Variants in KALRN observed in about 807,000 individuals in gnomAD.
The protein encoded by KALRN is kalirin.
KALRN carries 70 observed loss-of-function variants against 353.7 expected under a neutral mutation model. The ratio of observed to expected loss-of-function variants is 0.20; its 90% CI spans 0.16 to 0.24. KALRN has a LOEUF of 0.24. Among genes scored for constraint, KALRN ranks in the 10% least tolerant of loss-of-function variants. KALRN has a pLI of 1.00. For missense variants in KALRN, 2,791 were observed against 3,756.7 expected, an observed-to-expected ratio of 0.74 and a Z score of 6.72; for synonymous variants, 1,391 against 1,434.8, an observed-to-expected ratio of 0.97 and a Z score of 0.69.
chr3:124,218,139 G>C (rs935286244), intron 1 of KALRN, among the ~76,000 whole-genome samples: 2 of 152,138 alleles, frequency 1.3e-5, no homozygotes, highest in African/African-American at 4.8e-5. Context: ...TGGTTGAGGG[G>C]AGAAGCATCC....
intron 1 of KALRN, among the ~76,000 whole-genome samples, chr3:124,154,296 A>G (rs1217642880): frequency 3.3e-5 from 5 of 152,184 alleles, no homozygotes; most frequent in African/African-American, 1.2e-4. Flanking sequence ...AAGGGTATTC[A>G]ATTACAAAAA....
chr3:124,117,612 G>A (rs2063572938), intron 1 of KALRN, among the ~76,000 whole-genome samples: 1 of 152,094 alleles, frequency 6.6e-6, no homozygotes, highest in Non-Finnish European at 1.5e-5. Context: ...AGAAGTAGAG[G>A]AACATTAAGG....
chr3:124,439,167 C>CT, intron 18 of KALRN, 130 bp downstream of exon 18: 5 of 776,838 alleles, frequency 6.4e-6, no homozygotes, highest in Non-Finnish European at 2.0e-6. Context: ...TTCTCTTTCT[C>CT]CTCCTCCTCC....
intron 1 of KALRN, among the ~76,000 whole-genome samples, chr3:124,051,757 GA>G (rs1349577503): frequency 6.6e-6 from 1 of 152,188 alleles, no homozygotes; most frequent in African/African-American, 2.4e-5. Context: ...GTGAAACTGG[GA>G]ACTCTGTCCC....
chr3:124,679,506 A>G lies in KALRN; in HGVS notation c.7366A>G (p.Thr2456Ala), dbSNP rs577419294. Residue 2456 changes from threonine to alanine, a missense_variant, in exon 51 of 60, where the codon ACT becomes GCT. This residue lies in a region of KALRN where 1,065 missense variants were observed against 1,156.4 expected (regional missense o/e 0.92). Coordinates refer to ENST00000682506, the MANE Select transcript of KALRN (RefSeq NM_001388419.1). ...ESECDDLDPN[T>A]SMEILNPNFI... ...AGAGTGTGATGATCTTGACCCTAATACTAGCATGGAGGTAGAAGCAGCTAT... is the reference window on the plus strand; with the variant it reads ...AGAGTGTGATGATCTTGACCCTAATGCTAGCATGGAGGTAGAAGCAGCTAT... The G allele has an allele frequency of 1.5e-5, 24 of 1,613,692 alleles. No individual in the cohort carries two copies. Among genetic ancestry groups the G allele is most frequent in the African/African-American group, 1.5e-4 (11 of 75,028 alleles).
chr3:124,097,230 G>A (rs1258806085), intron 1 of KALRN, among the ~76,000 whole-genome samples: 1 of 152,260 alleles, frequency 6.6e-6, no homozygotes, highest in East Asian at 1.9e-4. Context: ...AAAGTGGCAT[G>A]TTAGGCTGAG....
intron 10 of KALRN, among the ~76,000 whole-genome samples, chr3:124,362,274 AG>A (rs1159852183): frequency 6.6e-6 from 1 of 152,232 alleles, no homozygotes; most frequent in Admixed American, 6.5e-5. Context: ...GAGCAACTGG[AG>A]GCATTTTCAT....
chr3:124,611,099 A>C (rs1189187938), intron 34 of KALRN, among the ~76,000 whole-genome samples: 1 of 152,166 alleles, frequency 6.6e-6, no homozygotes, highest in Non-Finnish European at 1.5e-5. Context: ...AGGGAATCAG[A>C]GTGGCAGCAT....
intron 1 of KALRN, among the ~76,000 whole-genome samples, chr3:124,189,460 C>G (rs2074631674): frequency 6.6e-6 from 1 of 152,146 alleles, no homozygotes; most frequent in Admixed American, 6.6e-5. Flanking sequence ...CTCTCTCTGA[C>G]CATCAATTCT....
chr3:124,082,613 C>T (rs926719788), intron 1 of KALRN, among the ~76,000 whole-genome samples: 6 of 152,184 alleles, frequency 3.9e-5, no homozygotes, highest in African/African-American at 1.2e-4. Flanking sequence ...TTACTCTGGG[C>T]ACTATGTTAG....
chr3:124,670,590 G>A (rs1373139919), intron 47 of KALRN, among the ~76,000 whole-genome samples: 1 of 152,198 alleles, frequency 6.6e-6, no homozygotes, highest in African/African-American at 2.4e-5. Flanking sequence ...GTTGAGTCCT[G>A]TTGAGGTATG....
chr3:124,104,595 A>G (rs1387040969), intron 1 of KALRN, among the ~76,000 whole-genome samples: 1 of 152,218 alleles, frequency 6.6e-6, no homozygotes, highest in African/African-American at 2.4e-5. Flanking sequence ...AAATGGTTCC[A>G]GAGTTGTAGC....
chr3:124,716,287 G>A (rs1380804210), intron 58 of KALRN, among the ~76,000 whole-genome samples: 1 of 152,210 alleles, frequency 6.6e-6, no homozygotes, highest in Non-Finnish European at 1.5e-5. Flanking sequence ...GTTTTGGGAG[G>A]CCCAGGCGGG....
intron 33 of KALRN, chr3:124,518,274 G>C (rs562566853): frequency 4.8e-6 from 4 of 826,156 alleles, no homozygotes; most frequent in South Asian, 4.2e-5. Flanking sequence ...ACTCTGCACT[G>C]GGTTACTAGA....
intron 7 of KALRN, among the ~76,000 whole-genome samples, chr3:124,328,651 T>G (rs1168803569): frequency 6.6e-6 from 1 of 152,146 alleles, no homozygotes; most frequent in Non-Finnish European, 1.5e-5. Context: ...TGTTACAAAA[T>G]GTACAGAATG....
chr3:124,350,749 A>AT (rs941350289), intron 10 of KALRN, among the ~76,000 whole-genome samples: 7 of 152,100 alleles, frequency 4.6e-5, no homozygotes, highest in African/African-American at 1.2e-4. Flanking sequence ...ATAAGACTGT[A>AT]TTTTTTTTGA....
At position 124,719,582 on chromosome 3, in the gene KALRN, T is replaced by C; in HGVS notation, c.*112T>C. The C allele has an allele frequency of 9.5e-7, 1 of 1,049,598 alleles. No individual in the cohort carries two copies. Among genetic ancestry groups the C allele is most frequent in the Non-Finnish European group, 1.4e-6 (1 of 730,194 alleles). 65.0% of individuals were successfully genotyped at this position (1,049,598 alleles called of 1,614,324 possible). On this transcript the variant is annotated 3_prime_UTR_variant, in exon 60 of 60. Coordinates refer to ENST00000682506, the MANE Select transcript of KALRN (RefSeq NM_001388419.1). This position sits in a 1 kb window ranked among gnomAD's most constrained non-coding sequence, Gnocchi z 5.3. ...ATTTCACTCCGTGCAGTTCTCTGAA[T>C]TGAGAGATGTACCTCTTAAACCTCG...
chr3:124,358,216 A>G (rs1311780954), intron 10 of KALRN, among the ~76,000 whole-genome samples: 2 of 152,172 alleles, frequency 1.3e-5, no homozygotes, highest in East Asian at 1.9e-4. Context: ...AGATGAAGCT[A>G]TAGGAAACCA....
chr3:124,702,005 C>A, intron 56 of KALRN, 33 bp from the exon 57 acceptor site: 1 of 1,549,832 alleles, frequency 6.5e-7, no homozygotes. Flanking sequence ...ATGACATCCT[C>A]GATATTGTAA....
Sources: gnomAD v4.1 joint callset for allele counts (sites outside exome capture counted in the v4.1 genomes callset) on GRCh38, gnomAD v4.1.1 for gene constraint, gnomAD v4.1.1 regional missense constraint, Gnocchi (gnomAD v3.1) non-coding constraint, MANE v1.5 for transcripts, NCBI Gene and HGNC (gene_info 2026-07-23, HGNC 2026-07-21) for gene names.